SENP7: variants seen among roughly 807,000 people sequenced by gnomAD.
The protein encoded by SENP7 is SUMO specific peptidase 7, also known as sentrin-specific protease 7.
In SENP7, 64 loss-of-function variants were observed where a neutral mutation model predicts 141.2. That is an observed-to-expected ratio of 0.45 (90% CI 0.37 to 0.56). The LOEUF (loss-of-function observed/expected upper bound fraction) is 0.56. Ranked by LOEUF, SENP7 falls within the 20% of genes least tolerant of loss-of-function variation. SENP7 has a pLI of 0.00. For synonymous variants in SENP7, 382 were observed against 426.4 expected (o/e 0.90, Z 1.28); for missense variants, 1,025 against 1,212.2 (o/e 0.85, Z 2.29).
Position 101,328,564 on chromosome 3 carries a change from C to CA in SENP7, c.2796-19dup. 6.2e-7 allele frequency: 1 copy of CA among 1,610,116 alleles called. No homozygotes were observed. Reference sequence around the variant, plus strand: ...TACATGGCCTATGAAAAGCAAAGGACAAAATCAAGATTTACATACTTGTAT... The same window carrying CA: ...TACATGGCCTATGAAAAGCAAAGGACAAAAATCAAGATTTACATACTTGTAT... On this transcript the variant is annotated intron_variant, in intron 21 of 23. Coordinates refer to ENST00000394095, the MANE Select transcript of SENP7 (RefSeq NM_020654.5).
intron 17 of SENP7, among the ~76,000 whole-genome samples, chr3:101,335,996 A>G (rs996956940): frequency 4.6e-5 from 7 of 152,220 alleles, no homozygotes; most frequent in African/African-American, 1.7e-4. Flanking sequence ...GCCCTGGTAT[A>G]CGCACTCGTT....
intron 8 of SENP7, 122 bp downstream of exon 8, chr3:101,367,708 C>T: frequency 1.6e-6 from 1 of 635,850 alleles, no homozygotes; most frequent in Non-Finnish European, 2.6e-6. Flanking sequence ...AACAGTGAAC[C>T]AAAAACTAAA....
intron 3 of SENP7, among the ~76,000 whole-genome samples, chr3:101,486,781 A>G (rs1011298329): frequency 1.3e-5 from 2 of 152,216 alleles, no homozygotes; most frequent in African/African-American, 2.4e-5. Context: ...CAATACTAAC[A>G]TTGAATGTAA....
intron 3 of SENP7, among the ~76,000 whole-genome samples, chr3:101,481,980 A>G (rs141571300): frequency 3.5e-4 from 54 of 152,310 alleles, no homozygotes; most frequent in East Asian, 3.9e-4. Flanking sequence ...GGAATTTGAA[A>G]TTAAAAACAC....
At chr3:101,339,299 T>C (rs1052907226) in intron 16 of SENP7, among the ~76,000 whole-genome samples, 3 of 152,160 alleles carry the variant, frequency 2.0e-5, no homozygotes, top group Non-Finnish European at 4.4e-5. Context: ...AATTAGGAGA[T>C]ATCTCCATCA....
rs1163440226 is a variant in SENP7 at position 101,513,036 on chromosome 3, C to T, written c.40+55G>A. Reference sequence around the variant, plus strand: ...CAACCCCAGCTGCCGCCTGCGCCTCCCGTTTCCCCCGGGTAGGAGACAATA... The same window carrying T: ...CAACCCCAGCTGCCGCCTGCGCCTCTCGTTTCCCCCGGGTAGGAGACAATA... On this transcript the variant is annotated intron_variant, in intron 1 of 23. Coordinates refer to ENST00000394095, the MANE Select transcript of SENP7 (RefSeq NM_020654.5). 93 of 1,593,290 alleles carry T rather than the reference C, an allele frequency of 5.8e-5. No individual in the cohort carries two copies. The Middle Eastern group carries it at 1.7e-3, about 29-fold the overall frequency.
At chr3:101,425,628 C>T (rs1229858569) in intron 4 of SENP7, among the ~76,000 whole-genome samples, 1 of 152,162 alleles carries the variant, frequency 6.6e-6, no homozygotes, top group African/African-American at 2.4e-5. Context: ...AAGAACCGAA[C>T]CATCTCTCCA....
At chr3:101,377,925 C>A (rs1171964142) in intron 6 of SENP7, among the ~76,000 whole-genome samples, 1 of 152,102 alleles carries the variant, frequency 6.6e-6, no homozygotes, top group Admixed American at 6.6e-5. Flanking sequence ...CCTGAGGTTG[C>A]AATTTTTTGA....
At chr3:101,501,001 C>G in intron 2 of SENP7, 69 bp downstream of exon 2, 1 of 1,096,034 alleles carries the variant, frequency 9.1e-7, no homozygotes, top group South Asian at 1.4e-5. Flanking sequence ...ATTAAAAAGA[C>G]AAACAGCAAA....
intron 2 of SENP7, among the ~76,000 whole-genome samples, chr3:101,497,394 T>G (rs1487206986): frequency 1.3e-5 from 2 of 152,100 alleles, no homozygotes; most frequent in East Asian, 3.8e-4. Flanking sequence ...CTAAATATCA[T>G]CCTTCAATTG....
intron 5 of SENP7, among the ~76,000 whole-genome samples, chr3:101,402,321 C>A (rs2061168864): frequency 6.6e-6 from 1 of 152,066 alleles, no homozygotes; most frequent in Admixed American, 6.6e-5. Context: ...TCCAATGGCC[C>A]TTAAGAATTA....
chr3:101,428,405 G>C (rs2062037052), intron 4 of SENP7, among the ~76,000 whole-genome samples: 1 of 152,144 alleles, frequency 6.6e-6, no homozygotes, highest in African/African-American at 2.4e-5. Context: ...GGCGTGAGAT[G>C]GTATCTCATT....
chr3:101,406,606 C>T (rs2061314997), intron 5 of SENP7, among the ~76,000 whole-genome samples: 1 of 151,584 alleles, frequency 6.6e-6, no homozygotes, highest in South Asian at 2.1e-4. Context: ...AATAGGTGTT[C>T]CTGAGGAAAA....
At chr3:101,510,951 G>C (rs929585335) in intron 1 of SENP7, among the ~76,000 whole-genome samples, 1 of 151,026 alleles carries the variant, frequency 6.6e-6, no homozygotes, top group Non-Finnish European at 1.5e-5. Flanking sequence ...CTTTCAACCA[G>C]CCAATGTTTT....
At chr3:101,479,918 A>AAAAAAAAAAAAAC (rs2064387879) in intron 3 of SENP7, among the ~76,000 whole-genome samples, 1 of 139,938 alleles carries the variant, frequency 7.1e-6, no homozygotes, top group African/African-American at 2.6e-5. Flanking sequence ...AAAAAAAAAA[A>AAAAAAAAAAAAAC]AAAACACACA....
chr3:101,401,242 C>T (rs1285803839), intron 5 of SENP7, among the ~76,000 whole-genome samples: 3 of 152,012 alleles, frequency 2.0e-5, no homozygotes, highest in Non-Finnish European at 4.4e-5. Context: ...AAAAGTGCTA[C>T]TCCTGGCCAG....
chr3:101,325,703 ATATT>A lies in SENP7; in HGVS notation c.*236_*239del, dbSNP rs1351066404. The A allele has an allele frequency of 8.5e-6, 2 of 235,702 alleles. No individual in the cohort carries two copies. Among genetic ancestry groups the A allele is most frequent in the Non-Finnish European group, 1.6e-5 (2 of 124,548 alleles). 14.6% of individuals were successfully genotyped at this position (235,702 alleles called of 1,614,324 possible). The stretch of plus-strand genomic sequence containing the variant: ...TCATATTTACTCAGAAAAATATGAA[ATATT>A]TATAAAATTTTAATTTATATCTAGT... On this transcript the variant is annotated 3_prime_UTR_variant, in exon 24 of 24. Coordinates refer to ENST00000394095, the MANE Select transcript of SENP7 (RefSeq NM_020654.5).
intron 4 of SENP7, 25 bp downstream of exon 4, chr3:101,458,930 T>A (rs368137232): frequency 2.2e-6 from 3 of 1,376,082 alleles, no homozygotes; most frequent in African/African-American, 1.5e-5. Context: ...AAGCCCATAC[T>A]ATGTCGCACA....
rs962372422 is a variant in SENP7 at position 101,405,052 on chromosome 3, A to T, written c.483-5997T>A. On this transcript the variant is annotated intron_variant, in intron 5 of 23. Coordinates refer to ENST00000394095, the MANE Select transcript of SENP7 (RefSeq NM_020654.5). ...GTGGATGGGAGGCAGACTAGATTGC[A>T]GCTCTGACTCGACAGACAGAGCAGC... Among the ~76,000 whole-genome samples, 5 of 152,226 alleles carry T rather than the reference A, an allele frequency of 3.3e-5. No individual in the cohort carries two copies. In the South Asian group the frequency reaches 6.2e-4, roughly 19 times the overall value.
Sources: allele counts gnomAD v4.1 joint callset (sites outside exome capture counted in the v4.1 genomes callset), GRCh38; gene constraint gnomAD v4.1.1; transcripts MANE v1.5; gene names NCBI Gene and HGNC (gene_info 2026-07-23, HGNC 2026-07-21).